DPP6: variants seen among roughly 807,000 people sequenced by gnomAD.
DPP6 encodes dipeptidyl peptidase like 6, also known as A-type potassium channel modulatory protein DPP6.
A neutral mutation model predicts 122.6 loss-of-function variants in DPP6; 69 were observed. That is an observed-to-expected ratio of 0.56 (90% CI 0.46 to 0.69). DPP6 has a LOEUF of 0.69. Among genes scored for constraint, DPP6 ranks in the 30% least tolerant of loss-of-function variants. The pLI, the probability that DPP6 is intolerant of heterozygous loss-of-function variation, is 0.00. For synonymous variants in DPP6, 418 were observed against 433.1 expected, an observed-to-expected ratio of 0.97 and a Z score of 0.43; for missense variants, 928 against 1,116.9, an observed-to-expected ratio of 0.83 and a Z score of 2.41.
chr7:153,825,107 T>A, the DPP6 span, among the ~76,000 whole-genome samples: 1,788 of 152,294 alleles, frequency 0.012, 24 homozygotes, highest in African/African-American at 0.041. Context: ...TCTGTTTGGG[T>A]TCAAGAAGCT....
chr7:154,307,482 G>T (rs1299765324), intron 1 of DPP6, among the ~76,000 whole-genome samples: 1 of 151,920 alleles, frequency 6.6e-6, no homozygotes, highest in East Asian at 1.9e-4. Flanking sequence ...AAAATGAACA[G>T]CCCCCACCCC....
chr7:153,998,871 A>G (rs1200404373), intron 1 of DPP6, among the ~76,000 whole-genome samples: 1 of 152,238 alleles, frequency 6.6e-6, no homozygotes, highest in African/African-American at 2.4e-5. Flanking sequence ...CTTTTGAATG[A>G]ATGGAATCCC....
chr7:154,775,272 A>G (rs781215103), intron 10 of DPP6, among the ~76,000 whole-genome samples: 71 of 152,306 alleles, frequency 4.7e-4, no homozygotes, highest in Non-Finnish European at 8.5e-4. Flanking sequence ...AATAAGAAAC[A>G]TGTTTACTCT....
intron 3 of DPP6, 172 bp downstream of exon 3, chr7:154,475,209 T>C: frequency 1.6e-6 from 1 of 637,456 alleles, no homozygotes; most frequent in African/African-American, 1.8e-5. Flanking sequence ...AAAATGTGTA[T>C]CTGGTAAAAT....
intron 17 of DPP6, 39 bp downstream of exon 17, chr7:154,853,866 C>A (rs3778732): frequency 6.2e-7 from 1 of 1,610,724 alleles, no homozygotes; most frequent in Non-Finnish European, 8.5e-7. Flanking sequence ...TCCTGAGACT[C>A]AGGAGAAAGG....
At chr7:154,367,671 A>T (rs1812298164) in intron 1 of DPP6, among the ~76,000 whole-genome samples, 1 of 152,250 alleles carries the variant, frequency 6.6e-6, no homozygotes, top group Non-Finnish European at 1.5e-5. Flanking sequence ...TACCCAACAT[A>T]TATTTTTAAG....
chr7:154,560,027 A>G (rs113219524), intron 4 of DPP6, among the ~76,000 whole-genome samples: 3,757 of 150,544 alleles, frequency 0.025, 62 homozygotes, highest in African/African-American at 0.04. Flanking sequence ...AGAAAATCAG[A>G]CAGTATTTAT....
At chr7:154,174,138 G>A (rs182814837) in intron 1 of DPP6, among the ~76,000 whole-genome samples, 10 of 152,282 alleles carry the variant, frequency 6.6e-5, no homozygotes, top group African/African-American at 2.2e-4. Context: ...GGTTATGACC[G>A]GGGGACCTGA....
chr7:153,974,409 T>C (rs905234543), intron 1 of DPP6, among the ~76,000 whole-genome samples: 17 of 152,150 alleles, frequency 1.1e-4, no homozygotes, highest in African/African-American at 2.4e-5. Flanking sequence ...ATGTACTTAT[T>C]TATTTGTGAC....
At chr7:154,304,495 C>G (rs1380658839) in intron 1 of DPP6, among the ~76,000 whole-genome samples, 1 of 152,122 alleles carries the variant, frequency 6.6e-6, no homozygotes, top group South Asian at 2.1e-4. Context: ...TGCTTTGTCT[C>G]TTTCTCCTTG....
chr7:154,472,543 G>A (rs1468650231), intron 2 of DPP6, among the ~76,000 whole-genome samples: 2 of 152,284 alleles, frequency 1.3e-5, no homozygotes, highest in South Asian at 2.1e-4. Flanking sequence ...TCCCTGCTAT[G>A]TTCTGATCAT....
intron 1 of DPP6, among the ~76,000 whole-genome samples, chr7:153,893,154 G>A (rs773010072): frequency 2.6e-5 from 4 of 152,212 alleles, no homozygotes; most frequent in Non-Finnish European, 5.9e-5. Flanking sequence ...GGGCTGTGCT[G>A]TTTTTTCACA....
chr7:154,615,729 T>A (rs749122), intron 5 of DPP6, among the ~76,000 whole-genome samples: 60,558 of 148,400 alleles, frequency 0.41, 13,405 homozygotes, highest in East Asian at 0.64. Flanking sequence ...TACACAAAAC[T>A]TTTTCATCAT....
At chr7:153,857,098 TA>T in the DPP6 span, among the ~76,000 whole-genome samples, 1 of 152,086 alleles carries the variant, frequency 6.6e-6, no homozygotes, top group Non-Finnish European at 1.5e-5. Context: ...TGCTCCAAAT[TA>T]ATACCTTTTT....
At position 154,669,442 on chromosome 7, in the gene DPP6, G is replaced by A; in HGVS notation, c.762+1G>A. 6.4e-7 allele frequency: 1 copy of A among 1,552,446 alleles called. No homozygotes were observed. Among genetic ancestry groups the A allele is most frequent in the Non-Finnish European group, 8.7e-7 (1 of 1,147,666 alleles). ...ATGGGGCCCTAAAGGCCAACAGCTG[G>A]TAAGCCAATCAAGTTCAGTAACTAT... On this transcript the variant is annotated splice_donor_variant, in intron 7 of 25. Coordinates refer to ENST00000377770, the MANE Select transcript of DPP6 (RefSeq NM_130797.4). LOFTEE classifies it high-confidence loss of function.
At chr7:154,244,097 C>T (rs766380240) in intron 1 of DPP6, among the ~76,000 whole-genome samples, 3 of 151,580 alleles carry the variant, frequency 2.0e-5, no homozygotes, top group Admixed American at 6.6e-5. Context: ...ACTCCTATGC[C>T]CCAAGATAAC....
the DPP6 span, among the ~76,000 whole-genome samples, chr7:153,847,908 T>C: frequency 6.6e-6 from 1 of 152,186 alleles, no homozygotes; most frequent in Non-Finnish European, 1.5e-5. Flanking sequence ...CACAGCCACG[T>C]TGGCAATGTC....
intron 4 of DPP6, among the ~76,000 whole-genome samples, chr7:154,561,339 T>C (rs913454996): frequency 6.6e-6 from 1 of 152,214 alleles, no homozygotes; most frequent in Non-Finnish European, 1.5e-5. Flanking sequence ...CAGAGTAGAC[T>C]ATATGCTGGG....
chr7:154,397,705 G>A (rs1815211250), intron 1 of DPP6, among the ~76,000 whole-genome samples: 1 of 152,176 alleles, frequency 6.6e-6, no homozygotes, highest in East Asian at 1.9e-4. Context: ...CGATGGAAAT[G>A]TTGATGTTGC....
Sources: gnomAD v4.1 joint callset for allele counts (sites outside exome capture counted in the v4.1 genomes callset) on GRCh38, gnomAD v4.1.1 for gene constraint, MANE v1.5 for transcripts, NCBI Gene and HGNC (gene_info 2026-07-23, HGNC 2026-07-21) for gene names.